CCDC6: variants seen among roughly 807,000 people sequenced by gnomAD.
The protein encoded by CCDC6 is coiled-coil domain containing 6, also known as coiled-coil domain-containing protein 6.
In CCDC6, 20 loss-of-function variants were observed where a neutral mutation model predicts 56.6. The observed-to-expected ratio is 0.35, with a 90% confidence interval of 0.25 to 0.51. CCDC6 has a LOEUF of 0.51. CCDC6 is among the 20% of genes least tolerant of loss of function. CCDC6 has a pLI of 0.95. For missense variants in CCDC6, 367 were observed against 601.1 expected, an observed-to-expected ratio of 0.61 and a Z score of 4.07; for synonymous variants, 241 against 234.4, an observed-to-expected ratio of 1.03 and a Z score of -0.26.
At chr10:59,849,578 C>T (rs975796346) in intron 2 of CCDC6, among the ~76,000 whole-genome samples, 5 of 152,112 alleles carry the variant, frequency 3.3e-5, no homozygotes, top group Non-Finnish European at 5.9e-5. Context: ...AAAGCATTGT[C>T]CAATCACTAT....
At chr10:59,805,614 T>C (rs2070614971) in intron 6 of CCDC6, 1 of 152,226 alleles carries the variant, frequency 6.6e-6, no homozygotes, top group Non-Finnish European at 1.5e-5. Context: ...CTATTTAGTA[T>C]TCTAGCTGGC....
rs149960022 is a variant in CCDC6 at position 59,892,750 on chromosome 10, G to A, written c.303+13372C>T. On this transcript the variant is annotated intron_variant, in intron 1 of 8. Transcript: ENST00000263102. ...ACTGTGGGATGGGAGCAAGATTTGT[G>A]TTAACTCTACAGTCTCTCATAAGGT... is the stretch of plus-strand genomic sequence containing the variant. Among the ~76,000 whole-genome samples the A allele has an allele frequency of 1.2e-4, 18 of 152,272 alleles. No individual in the cohort carries two copies. The East Asian group carries it at 2.7e-3, about 23-fold the overall frequency.
At chr10:59,809,473 G>T (rs1352814309) in intron 5 of CCDC6, among the ~76,000 whole-genome samples, 1 of 152,202 alleles carries the variant, frequency 6.6e-6, no homozygotes, top group Non-Finnish European at 1.5e-5. Flanking sequence ...CAGAGGCACA[G>T]AGAAGGCACC....
intron 8 of CCDC6, 71 bp from the exon 9 acceptor site, chr10:59,793,182 C>G: frequency 7.8e-7 from 1 of 1,287,308 alleles, no homozygotes; most frequent in Non-Finnish European, 1.1e-6. Flanking sequence ...CACAGCCTGA[C>G]TTGGCACTGG....
At chr10:59,841,556 A>G (rs1349799863) in intron 2 of CCDC6, among the ~76,000 whole-genome samples, 3 of 152,210 alleles carry the variant, frequency 2.0e-5, no homozygotes, top group Non-Finnish European at 4.4e-5. Flanking sequence ...AAATGGCAGT[A>G]TTAGTTCCTC....
intron 3 of CCDC6, among the ~76,000 whole-genome samples, chr10:59,826,495 C>T (rs199745373): frequency 1.2e-3 from 180 of 152,270 alleles, no homozygotes; most frequent in Non-Finnish European, 2.1e-3. Context: ...AGCACCACTA[C>T]TCTCCTCCAC....
chr10:59,889,524 C>T (rs965872583), intron 1 of CCDC6, among the ~76,000 whole-genome samples: 5 of 152,186 alleles, frequency 3.3e-5, no homozygotes, highest in African/African-American at 1.2e-4. Flanking sequence ...CCAGGCCAAA[C>T]ACAGTCAGTT....
chr10:59,801,195 A>G (rs905807629), intron 7 of CCDC6, among the ~76,000 whole-genome samples: 7 of 152,216 alleles, frequency 4.6e-5, no homozygotes, highest in African/African-American at 1.7e-4. Context: ...GGCTAAAGAA[A>G]AAAAAAATTG....
chr10:59,804,723 C>A (rs2070606091), intron 6 of CCDC6: 1 of 511,056 alleles, frequency 2.0e-6, no homozygotes, highest in African/African-American at 1.9e-5. Context: ...CCAAGGGTCA[C>A]CAGTTGGGAG....
intron 3 of CCDC6, among the ~76,000 whole-genome samples, chr10:59,823,254 C>A (rs542468177): frequency 6.6e-6 from 1 of 152,186 alleles, no homozygotes; most frequent in Non-Finnish European, 1.5e-5. Flanking sequence ...TGCAAAAAGG[C>A]AAAGGGCCCA....
chr10:59,903,307 T>G (rs1407591284), intron 1 of CCDC6, among the ~76,000 whole-genome samples: 1 of 152,202 alleles, frequency 6.6e-6, no homozygotes, highest in East Asian at 1.9e-4. Context: ...TAATGATGTA[T>G]CAACGTAGGT....
In CCDC6 at chr10:59,865,070, T is replaced by C. The variant is rs535237464; in HGVS notation, c.304-12368A>G. Among the ~76,000 whole-genome samples, 19 of 152,318 alleles carry C rather than the reference T, an allele frequency of 1.2e-4. 1 individual carries two copies. In the South Asian group the frequency reaches 3.9e-3, roughly 32 times the overall value. On this transcript the variant is annotated intron_variant, in intron 1 of 8. Coordinates refer to ENST00000263102, the MANE Select transcript of CCDC6 (RefSeq NM_005436.5). ...GAAGTTCTTCACTGCCCTTGGAAGATGTGTTGTTAATTATGGAGGCCTCTA... is the reference window on the plus strand; with the variant it reads ...GAAGTTCTTCACTGCCCTTGGAAGACGTGTTGTTAATTATGGAGGCCTCTA...
In CCDC6 at chr10:59,832,792, T is replaced by C. The variant is rs547565860; in HGVS notation, c.454-139A>G. The C allele has an allele frequency of 4.7e-5, 34 of 727,916 alleles. 1 individual carries two copies. The South Asian group carries it at 6.2e-4, about 13-fold the overall frequency. The allele number at this position is 727,916 out of a possible 1,614,324, so 45.1% of individuals were successfully genotyped here. ...ATTTTTGCTCAAATGTGCAAGTATA[T>C]ACCTAGTAATCTGTGCCTAACTGGT... On this transcript the variant is annotated intron_variant, in intron 2 of 8. Transcript: ENST00000263102.
chr10:59,807,215 T>C, intron 5 of CCDC6, 137 bp from the exon 6 acceptor site: 1 of 743,398 alleles, frequency 1.3e-6, no homozygotes, highest in Non-Finnish European at 2.1e-6. Context: ...TCGGGTATGG[T>C]GGCTCACACT....
intron 1 of CCDC6, among the ~76,000 whole-genome samples, chr10:59,883,438 C>T (rs116859793): frequency 0.017 from 2,603 of 152,300 alleles, 31 homozygotes; most frequent in Middle Eastern, 0.044. Flanking sequence ...ACACTTGATA[C>T]AAGAAGCAAT....
intron 7 of CCDC6, among the ~76,000 whole-genome samples, chr10:59,795,632 C>A (rs2070509627): frequency 8.6e-6 from 1 of 116,458 alleles, no homozygotes. Flanking sequence ...CCTCCCCCCA[C>A]CCCACAACAG....
chr10:59,885,679 A>G (rs2071377297), intron 1 of CCDC6, among the ~76,000 whole-genome samples: 1 of 152,052 alleles, frequency 6.6e-6, no homozygotes, highest in African/African-American at 2.4e-5. Context: ...GATTTTTTGC[A>G]TAGCCTCTTC....
intron 1 of CCDC6, among the ~76,000 whole-genome samples, chr10:59,862,000 A>T (rs2071132646): frequency 6.6e-6 from 1 of 152,206 alleles, no homozygotes; most frequent in Admixed American, 6.5e-5. Flanking sequence ...AAGAACAGAA[A>T]ACAGACCCAT....
At chr10:59,861,104 G>A (rs2071124153) in intron 1 of CCDC6, among the ~76,000 whole-genome samples, 1 of 152,088 alleles carries the variant, frequency 6.6e-6, no homozygotes, top group Non-Finnish European at 1.5e-5. Flanking sequence ...GCTTGAACTC[G>A]GGAAGTAGAG....
Sources: allele counts gnomAD v4.1 joint callset (sites outside exome capture counted in the v4.1 genomes callset), GRCh38; gene constraint gnomAD v4.1.1; transcripts MANE v1.5; gene names NCBI Gene and HGNC (gene_info 2026-07-23, HGNC 2026-07-21).